DKK2: variants seen among roughly 807,000 people sequenced by gnomAD.
DKK2 encodes dickkopf Wnt signaling pathway inhibitor 2, also known as dickkopf-related protein 2.
Under a neutral mutation model 28.1 loss-of-function variants are expected in DKK2, and 11 were observed. The observed-to-expected ratio is 0.39, with a 90% CI of 0.25 to 0.65. The LOEUF (loss-of-function observed/expected upper bound fraction) is 0.65, where lower values mean the gene tolerates loss of function less well. DKK2 is among the 30% of genes least tolerant of loss of function. DKK2 has a pLI of 0.47. For synonymous variants in DKK2, 135 were observed against 126.5 expected (o/e 1.07, Z -0.45); for missense variants, 326 against 335.5 (o/e 0.97, Z 0.22).
chr4:107,008,751 A>G (rs1723475262), intron 1 of DKK2, among the ~76,000 whole-genome samples: 1 of 151,980 alleles, frequency 6.6e-6, no homozygotes, highest in African/African-American at 2.4e-5. Context: ...TTATTTACTT[A>G]GTGTCTAATT....
At chr4:106,982,074 A>G (rs1723033881) in intron 1 of DKK2, among the ~76,000 whole-genome samples, 1 of 152,210 alleles carries the variant, frequency 6.6e-6, no homozygotes, top group African/African-American at 2.4e-5. Flanking sequence ...TAGTTCACAG[A>G]ACAAATATTT....
chr4:106,931,949 TG>T (rs1724510246), intron 1 of DKK2, among the ~76,000 whole-genome samples: 1 of 152,188 alleles, frequency 6.6e-6, no homozygotes. Context: ...AAAAAGTTTT[TG>T]TACCTTTGGC....
At chr4:106,931,502 A>T (rs1724504711) in intron 1 of DKK2, among the ~76,000 whole-genome samples, 1 of 152,144 alleles carries the variant, frequency 6.6e-6, no homozygotes, top group Admixed American at 6.5e-5. Flanking sequence ...ATTAGTATGA[A>T]ATATAATGTT....
At chr4:106,956,596 T>C (rs909793398) in intron 1 of DKK2, among the ~76,000 whole-genome samples, 11 of 151,942 alleles carry the variant, frequency 7.2e-5, no homozygotes, top group African/African-American at 2.7e-4. Flanking sequence ...GAAATAACAC[T>C]GCATATCTAT....
At chr4:106,939,791 C>G (rs1724664512) in intron 1 of DKK2, among the ~76,000 whole-genome samples, 1 of 152,154 alleles carries the variant, frequency 6.6e-6, no homozygotes, top group African/African-American at 2.4e-5. Context: ...ACAGAGCCCT[C>G]AGAAATAATG....
chr4:106,979,077 G>GGT lies in DKK2; in HGVS notation c.223-53129_223-53128insAC, dbSNP rs1722990072. Among the ~76,000 whole-genome samples, 11 of 149,206 alleles carry GGT rather than the reference G, an allele frequency of 7.4e-5. No individual in the cohort carries two copies. The South Asian group carries it at 2.1e-3, about 29-fold the overall frequency. ...TCAAAGGTTTTTTGTTTTTGTTTTTGTTTTTTTTTCAGAATTTATAAAACT... is the reference window on the plus strand; with the variant it reads ...TCAAAGGTTTTTTGTTTTTGTTTTTGGTTTTTTTTTTCAGAATTTATAAAACT... On this transcript the variant is annotated intron_variant, in intron 1 of 3. Transcript: ENST00000285311.
At chr4:106,943,886 G>A (rs953992156) in intron 1 of DKK2, among the ~76,000 whole-genome samples, 1 of 152,066 alleles carries the variant, frequency 6.6e-6, no homozygotes, top group African/African-American at 2.4e-5. Context: ...TATGGCATGT[G>A]GGAGCTATGA....
chr4:107,033,083 G>T (rs930910030), intron 1 of DKK2, among the ~76,000 whole-genome samples: 2 of 152,100 alleles, frequency 1.3e-5, no homozygotes, highest in African/African-American at 4.8e-5. Context: ...ACATACTTTA[G>T]ATCATTCGTT....
intron 1 of DKK2, among the ~76,000 whole-genome samples, chr4:106,988,647 G>A (rs1578369542): frequency 1.3e-5 from 2 of 152,286 alleles, no homozygotes; most frequent in South Asian, 4.1e-4. Context: ...GAAGGGAGAA[G>A]TGAAGTCCAG....
intron 1 of DKK2, among the ~76,000 whole-genome samples, chr4:106,928,183 G>C (rs7687602): frequency 1.3e-5 from 2 of 151,898 alleles, no homozygotes; most frequent in African/African-American, 4.8e-5. Flanking sequence ...AAAAAATGGG[G>C]TGCACAGTAG....
intron 1 of DKK2, among the ~76,000 whole-genome samples, chr4:106,982,954 AAAAG>A (rs1723047512): frequency 6.6e-6 from 1 of 151,306 alleles, no homozygotes; most frequent in Non-Finnish European, 1.5e-5. Context: ...AAAGAGAAGA[AAAAG>A]AAGAAGAAAG....
At chr4:106,977,817 C>T (rs1722967512) in intron 1 of DKK2, among the ~76,000 whole-genome samples, 1 of 152,136 alleles carries the variant, frequency 6.6e-6, no homozygotes, top group Non-Finnish European at 1.5e-5. Flanking sequence ...AGAAGAGGCG[C>T]TCTGGTTTTT....
At position 106,922,016 on chromosome 4, in the gene DKK2, AAATTGTAAATATAAT is replaced by A. The variant is rs1358470849; in HGVS notation, c.*1923_*1937del. 17 of 152,752 alleles carry A rather than the reference AAATTGTAAATATAAT, an allele frequency of 1.1e-4. No homozygotes were observed. Among genetic ancestry groups the A allele is most frequent in the African/African-American group, 4.1e-4 (17 of 41,596 alleles). 9.5% of individuals were successfully genotyped at this position (152,752 alleles called of 1,614,324 possible). Reference sequence around the variant, plus strand: ...ACATAAGAAAAATATTGCAGAAACCAAATTGTAAATATAATAATTGTTATATAGGAAATGTTTGAT... The same window carrying A: ...ACATAAGAAAAATATTGCAGAAACCAAATTGTTATATAGGAAATGTTTGAT... On this transcript the variant is annotated 3_prime_UTR_variant, in exon 4 of 4. Transcript: ENST00000285311.
chr4:106,965,920 T>C (rs1048172428), intron 1 of DKK2, among the ~76,000 whole-genome samples: 2 of 151,292 alleles, frequency 1.3e-5, no homozygotes, highest in East Asian at 1.9e-4. Context: ...ACAAAGGACA[T>C]GAACTCATCA....
chr4:106,952,060 G>A (rs112729044), intron 1 of DKK2, among the ~76,000 whole-genome samples: 4 of 152,066 alleles, frequency 2.6e-5, no homozygotes, highest in South Asian at 2.1e-4. Flanking sequence ...GTTATTTAAC[G>A]CAATAAGAAT....
chr4:106,986,694 G>C (rs1328670611), intron 1 of DKK2, among the ~76,000 whole-genome samples: 3 of 152,136 alleles, frequency 2.0e-5, no homozygotes, highest in Admixed American at 6.5e-5. Flanking sequence ...ACTCATGTCA[G>C]AAGAGCCTAC....
At chr4:106,951,759 G>A (rs890868839) in intron 1 of DKK2, among the ~76,000 whole-genome samples, 1 of 152,102 alleles carries the variant, frequency 6.6e-6, no homozygotes, top group Non-Finnish European at 1.5e-5. Flanking sequence ...ATGCAAAAAT[G>A]TTAATAGCTC....
intron 1 of DKK2, among the ~76,000 whole-genome samples, chr4:107,009,018 T>A (rs1042162184): frequency 1.3e-5 from 2 of 151,968 alleles, no homozygotes; most frequent in Non-Finnish European, 2.9e-5. Context: ...AAATAAAGAT[T>A]TTCTGTTTGC....
intron 1 of DKK2, among the ~76,000 whole-genome samples, chr4:106,984,036 T>C (rs1723078549): frequency 6.6e-6 from 1 of 152,218 alleles, no homozygotes; most frequent in South Asian, 2.1e-4. Flanking sequence ...ACAGCCACTC[T>C]GGCAGTTTGT....
Sources: gnomAD v4.1 joint callset for allele counts (sites outside exome capture counted in the v4.1 genomes callset) on GRCh38, gnomAD v4.1.1 for gene constraint, MANE v1.5 for transcripts, NCBI Gene and HGNC (gene_info 2026-07-23, HGNC 2026-07-21) for gene names.